CCDC191: variants seen among roughly 807,000 people sequenced by gnomAD.
CCDC191 encodes coiled-coil domain containing 191.
A neutral mutation model predicts 114.0 loss-of-function variants in CCDC191; 99 were observed. That is an observed-to-expected ratio of 0.87 (90% CI 0.74 to 1.03). The LOEUF is 1.03. Ranked by LOEUF, CCDC191 falls within the 50% of genes least tolerant of loss-of-function variation. The pLI is 0.00. For missense variants in CCDC191, 973 were observed against 1,087.0 expected, an observed-to-expected ratio of 0.90 and a Z score of 1.47; for synonymous variants, 351 against 376.0, an observed-to-expected ratio of 0.93 and a Z score of 0.77.
intron 16 of CCDC191, among the ~76,000 whole-genome samples, chr3:113,969,482 G>T (rs1280971787): frequency 6.6e-6 from 1 of 152,150 alleles, no homozygotes; most frequent in Non-Finnish European, 1.5e-5. Flanking sequence ...ATAGTTTCTG[G>T]ACTTAGATTT....
At chr3:113,976,104 C>T (rs1316180710) in intron 16 of CCDC191, among the ~76,000 whole-genome samples, 2 of 148,892 alleles carry the variant, frequency 1.3e-5, no homozygotes, top group East Asian at 4.0e-4. Flanking sequence ...ACTAAAAATA[C>T]AAAAATTAGC....
chr3:114,019,102 T>A (rs546591316), intron 7 of CCDC191, among the ~76,000 whole-genome samples: 1 of 152,292 alleles, frequency 6.6e-6, no homozygotes, highest in South Asian at 2.1e-4. Context: ...CTAAAATACT[T>A]CATTGTCATT....
At chr3:114,011,476 T>A (rs938882874) in intron 8 of CCDC191, among the ~76,000 whole-genome samples, 1 of 152,192 alleles carries the variant, frequency 6.6e-6, no homozygotes, top group Non-Finnish European at 1.5e-5. Flanking sequence ...AGTTAAATTG[T>A]CAATAATTTA....
intron 16 of CCDC191, among the ~76,000 whole-genome samples, chr3:113,966,585 C>A (rs779054028): frequency 6.6e-6 from 1 of 152,062 alleles, no homozygotes; most frequent in Non-Finnish European, 1.5e-5. Flanking sequence ...GGCAACGAAG[C>A]GAGAATAGCA....
intron 2 of CCDC191, among the ~76,000 whole-genome samples, chr3:114,053,395 T>G (rs2076722668): frequency 6.6e-6 from 1 of 152,184 alleles, no homozygotes; most frequent in African/African-American, 2.4e-5. Context: ...TTTCTTGTCA[T>G]TCCTACTTAA....
intron 1 of CCDC191, among the ~76,000 whole-genome samples, chr3:114,056,015 C>T (rs1306487984): frequency 8.6e-6 from 1 of 116,530 alleles, no homozygotes; most frequent in Non-Finnish European, 1.8e-5. Flanking sequence ...CCAAGATTTG[C>T]AAAAAAAAAA....
intron 9 of CCDC191, among the ~76,000 whole-genome samples, chr3:114,006,402 T>C (rs925212096): frequency 2.0e-5 from 3 of 150,464 alleles, no homozygotes; most frequent in Non-Finnish European, 4.4e-5. Flanking sequence ...TGGGCTGAGA[T>C]TGTGCTACTG....
At chr3:113,965,691 A>AT (rs1940067716) in intron 16 of CCDC191, among the ~76,000 whole-genome samples, 1 of 151,956 alleles carries the variant, frequency 6.6e-6, no homozygotes. Context: ...CTGGGTTCAA[A>AT]TGATTCTTGT....
At chr3:114,053,542 CTG>C in intron 2 of CCDC191, 53 bp downstream of exon 2, 1 of 1,040,350 alleles carries the variant, frequency 9.6e-7, no homozygotes, top group Non-Finnish European at 1.4e-6. Context: ...TCTTTTCCAT[CTG>C]ATTATGCTTG....
At chr3:114,018,531 G>A (rs2076197625) in intron 8 of CCDC191, 147 bp downstream of exon 8, 1 of 656,886 alleles carries the variant, frequency 1.5e-6, no homozygotes, top group South Asian at 2.7e-5. Context: ...TCTAGTTTGA[G>A]ATGTAACATA....
At chr3:114,055,801 CCAAA>C (rs2076765957) in intron 1 of CCDC191, among the ~76,000 whole-genome samples, 1 of 152,024 alleles carries the variant, frequency 6.6e-6, no homozygotes, top group Non-Finnish European at 1.5e-5. Flanking sequence ...GCTAATGCAT[CCAAA>C]TGGGTGATAG....
At chr3:114,055,775 TTTC>T (rs199978334) in intron 1 of CCDC191, among the ~76,000 whole-genome samples, 1,822 of 152,352 alleles carry the variant, frequency 0.012, 21 homozygotes, top group African/African-American at 0.04. Context: ...TTATTATTTT[TTTC>T]TTATCTTCAG....
At chr3:114,020,816 T>C (rs1040530232) in intron 7 of CCDC191, among the ~76,000 whole-genome samples, 4 of 152,140 alleles carry the variant, frequency 2.6e-5, no homozygotes, top group Non-Finnish European at 4.4e-5. Context: ...AATGATGAAA[T>C]AGAACAAACA....
intron 11 of CCDC191, 122 bp from the exon 12 acceptor site, chr3:114,002,660 T>C: frequency 7.9e-7 from 1 of 1,263,350 alleles, no homozygotes; most frequent in Non-Finnish European, 1.0e-6. Context: ...TCTTGTAAGT[T>C]GAATGTTCAC....
intron 16 of CCDC191, among the ~76,000 whole-genome samples, chr3:113,971,023 A>AACCT (rs1940763753): frequency 6.6e-6 from 1 of 152,044 alleles, no homozygotes; most frequent in African/African-American, 2.4e-5. Context: ...TGCCGCAATA[A>AACCT]ACATGTGTGC....
At chr3:114,032,574 A>G (rs144157227) in intron 6 of CCDC191, among the ~76,000 whole-genome samples, 1 of 152,198 alleles carries the variant, frequency 6.6e-6, no homozygotes, top group Admixed American at 6.5e-5. Context: ...GCCACAAACC[A>G]GCTAGTCACC....
chr3:114,028,316 C>T (rs1357820260), intron 7 of CCDC191, among the ~76,000 whole-genome samples: 2 of 139,194 alleles, frequency 1.4e-5, no homozygotes, highest in African/African-American at 5.4e-5. Flanking sequence ...GACGGAGTCT[C>T]GCTCTGTCGC....
At chr3:113,994,538 A>G (rs1288265364) in intron 13 of CCDC191, among the ~76,000 whole-genome samples, 1 of 151,502 alleles carries the variant, frequency 6.6e-6, no homozygotes, top group African/African-American at 2.4e-5. Flanking sequence ...TCACATTCCT[A>G]GGTATTTACC....
chr3:114,043,146 A>T (rs12629533), intron 3 of CCDC191, among the ~76,000 whole-genome samples: 2,991 of 152,280 alleles, frequency 0.02, 90 homozygotes, highest in East Asian at 0.08. Flanking sequence ...TGAGAAAAAG[A>T]TATTTGAGCA....
Sources: allele counts gnomAD v4.1 joint callset (sites outside exome capture counted in the v4.1 genomes callset), GRCh38; gene constraint gnomAD v4.1.1; transcripts MANE v1.5; gene names NCBI Gene and HGNC (gene_info 2026-07-23, HGNC 2026-07-21).